ACBD5: variants seen among roughly 807,000 people sequenced by gnomAD.
ACBD5 encodes acyl-CoA binding domain containing 5.
Under a neutral mutation model 71.8 loss-of-function variants are expected in ACBD5, and 40 were observed. That is an observed-to-expected ratio of 0.56 (90% confidence interval 0.43 to 0.72). The LOEUF is 0.72. Ranked by LOEUF, ACBD5 falls within the 30% of genes least tolerant of loss-of-function variation. The pLI is 0.00. For missense variants in ACBD5, 559 were observed against 644.5 expected, an observed-to-expected ratio of 0.87 and a Z score of 1.44; for synonymous variants, 229 against 218.6, an observed-to-expected ratio of 1.05 and a Z score of -0.42.
intron 13 of ACBD5, among the ~76,000 whole-genome samples, chr10:27,190,122 T>C (rs2059017908): frequency 6.6e-6 from 1 of 152,030 alleles, no homozygotes; most frequent in Non-Finnish European, 1.5e-5. Context: ...CCGTCTCTAC[T>C]AAAAATATAA....
Position 27,217,755 on chromosome 10 carries a change from A to T in ACBD5, c.829+225T>A, listed in dbSNP as rs7067898. On this transcript the variant is annotated intron_variant, in intron 7 of 12. Coordinates refer to ENST00000396271, the MANE Select transcript of ACBD5 (RefSeq NM_145698.5). ...CAGGAGTTCAAGGCTGCAGTGAGCC[A>T]TGACTATGCCACTGCACTCCAGCCT... is the stretch of plus-strand genomic sequence containing the variant. Among the ~76,000 whole-genome samples the T allele has an allele frequency of 3.2e-3, 478 of 150,942 alleles. 2 individuals are homozygous for T. The highest frequency in any genetic ancestry group is 0.011 in the African/African-American group (452 of 41,160).
At chr10:27,221,896 T>C (rs533762575) in intron 5 of ACBD5, among the ~76,000 whole-genome samples, 2 of 124,100 alleles carry the variant, frequency 1.6e-5, no homozygotes, top group South Asian at 5.0e-4. Context: ...CCAGTCAGTG[T>C]GACAGAGGAA....
chr10:27,196,953 C>T lies in ACBD5; in HGVS notation c.*477G>A, dbSNP rs1449883435. The stretch of plus-strand genomic sequence containing the variant: ...TTTCTACTACATGCCATGGCAACTC[C>T]GTGACTAAGATATAAAGTCGATTAC... On this transcript the variant is annotated 3_prime_UTR_variant, in exon 13 of 13. Coordinates refer to ENST00000396271, the MANE Select transcript of ACBD5 (RefSeq NM_145698.5). 2.0e-5 allele frequency: 9 copies of T among 454,220 alleles called. No homozygotes were observed. In the East Asian group the frequency reaches 5.6e-4, roughly 28 times the overall value. 28.1% of individuals were successfully genotyped at this position (454,220 alleles called of 1,614,324 possible).
At chr10:27,210,419 A>T (rs1015644970) in intron 9 of ACBD5, among the ~76,000 whole-genome samples, 1 of 152,250 alleles carries the variant, frequency 6.6e-6, no homozygotes, top group African/African-American at 2.4e-5. Flanking sequence ...TTTTGAGATC[A>T]GTCTGGGCAA....
intron 8 of ACBD5, among the ~76,000 whole-genome samples, chr10:27,212,053 C>G (rs978281131): frequency 1.3e-5 from 2 of 152,036 alleles, no homozygotes; most frequent in African/African-American, 4.8e-5. Context: ...GTGGTGTTAA[C>G]AGAGGCCAGC....
downstream of ACBD5, among the ~76,000 whole-genome samples, chr10:27,194,399 T>C (rs952853725): frequency 2.0e-5 from 3 of 147,750 alleles, no homozygotes; most frequent in South Asian, 6.4e-4. Flanking sequence ...TCACCTGAGG[T>C]CAGGAGTTCA....
At position 27,197,439 on chromosome 10, in the gene ACBD5, T is replaced by C; in HGVS notation, c.1569A>G (p.Lys523=). ...GAAAACACCATTTTCCTCAGTTCAG[T>C]TTTCTTTAAAAAGAAAATAAAAACC... is the stretch of plus-strand genomic sequence containing the variant. ...VYLYYQRRRR[K]LN Residue 523 remains lysine, a synonymous_variant, in exon 13 of 13, where the codon AAA becomes AAG. Transcript: ENST00000396271. 1.2e-6 allele frequency: 2 copies of C among 1,607,666 alleles called. No homozygotes were observed. The highest frequency in any genetic ancestry group is 1.7e-6 in the Non-Finnish European group (2 of 1,175,976).
At chr10:27,199,380 T>C (rs1431340652) in intron 12 of ACBD5, among the ~76,000 whole-genome samples, 1 of 151,936 alleles carries the variant, frequency 6.6e-6, no homozygotes, top group Non-Finnish European at 1.5e-5. Context: ...TCTAAGGTAA[T>C]AGAGTGAACA....
In ACBD5 at chr10:27,217,979, C is replaced by A. The variant is rs775769747; in HGVS notation, c.829+1G>T. The A allele has an allele frequency of 6.2e-7, 1 of 1,613,826 alleles. No homozygotes were observed. The highest frequency in any genetic ancestry group is 8.5e-7 in the Non-Finnish European group (1 of 1,179,812). On this transcript the variant is annotated splice_donor_variant, in intron 7 of 12. Transcript: ENST00000396271. LOFTEE classifies it high-confidence loss of function. ...GACACAGAATTATTTGGGGACAATACCTTGGTGAATGCAAACAGCAGATTT... is the reference window on the plus strand; with the variant it reads ...GACACAGAATTATTTGGGGACAATAACTTGGTGAATGCAAACAGCAGATTT...
chr10:27,239,891 C>T (rs1478677124), intron 2 of ACBD5, among the ~76,000 whole-genome samples: 1 of 152,184 alleles, frequency 6.6e-6, no homozygotes, highest in African/African-American at 2.4e-5. Flanking sequence ...GGACTACAGG[C>T]GCACGCCACG....
chr10:27,233,986 G>A (rs934424431), intron 3 of ACBD5, among the ~76,000 whole-genome samples: 2 of 152,212 alleles, frequency 1.3e-5, no homozygotes, highest in African/African-American at 4.8e-5. Flanking sequence ...AGAGGTTGCG[G>A]TGAGCTGAGG....
At chr10:27,202,668 G>GTT (rs910291727) in intron 12 of ACBD5, among the ~76,000 whole-genome samples, 1 of 148,922 alleles carries the variant, frequency 6.7e-6, no homozygotes, top group South Asian at 2.1e-4. Flanking sequence ...AAGCTTTAGA[G>GTT]TTTTTTTTTT....
Position 27,196,360 on chromosome 10 carries a change from G to A in ACBD5, c.*1070C>T, listed in dbSNP as rs2059386725. The A allele has an allele frequency of 2.2e-6, 1 of 454,074 alleles. No homozygotes were observed. The highest frequency in any genetic ancestry group is 2.0e-5 in the African/African-American group (1 of 50,066). The allele number at this position is 454,074 out of a possible 1,614,324, so 28.1% of individuals were successfully genotyped here. A position where few individuals can be genotyped will look rare whatever the true frequency, so the allele number is the denominator to read the frequency against. ...TCTAGATGAGAGAGGTGGGGAAGAG[G>A]GACTTAAATTTCTGTTAGCTGGGCA... On this transcript the variant is annotated 3_prime_UTR_variant, in exon 13 of 13. Coordinates refer to ENST00000396271, the MANE Select transcript of ACBD5 (RefSeq NM_145698.5).
rs1458983066 is a variant in ACBD5 at position 27,240,432 on chromosome 10, T to C, written c.68A>G (p.Asp23Gly). 1.2e-6 allele frequency: 2 copies of C among 1,614,010 alleles called. No homozygotes were observed. Among genetic ancestry groups the C allele is most frequent in the Admixed American group, 1.7e-5 (1 of 60,012 alleles). ...GTGTTGGCCCCGGTCCCAAGGTCTG[T>C]CGGCGGGAATCAGGCAGCAGCAGCA... ...SWCCCCLIPA[D>G]RPWDRGQHWQ... is the part of the protein sequence containing the mutation. Residue 23 changes from aspartate to glycine, a missense_variant, in exon 2 of 13, where the codon GAC becomes GGC. Asp to Gly is a moderately conservative substitution (Grantham distance 94). Coordinates refer to ENST00000396271, the MANE Select transcript of ACBD5 (RefSeq NM_145698.5). This position sits in a 1 kb window ranked among gnomAD's most constrained non-coding sequence, Gnocchi z 4.1.
At chr10:27,208,096 CTT>C in intron 10 of ACBD5, 148 bp downstream of exon 10, 1 of 828,854 alleles carries the variant, frequency 1.2e-6, no homozygotes, top group Non-Finnish European at 2.0e-6. Context: ...CTGGGTCAGT[CTT>C]TTCTTAAACA....
intron 4 of ACBD5, among the ~76,000 whole-genome samples, chr10:27,225,477 G>T (rs1249771281): frequency 6.6e-6 from 1 of 152,064 alleles, no homozygotes; most frequent in Admixed American, 6.5e-5. Context: ...AACAATAACT[G>T]GTTCTAGTGA....
intron 5 of ACBD5, chr10:27,223,124 A>T: frequency 1.4e-6 from 1 of 703,326 alleles, no homozygotes; most frequent in East Asian, 2.7e-5. Context: ...GGGTGACAAG[A>T]TTGTAAGTTC....
chr10:27,226,593 C>T (rs1003974595), intron 4 of ACBD5, among the ~76,000 whole-genome samples: 3 of 151,772 alleles, frequency 2.0e-5, no homozygotes, highest in African/African-American at 7.3e-5. Flanking sequence ...CAGCATGTGG[C>T]CCAAGACGGC....
chr10:27,199,987 A>G (rs2059750322), intron 12 of ACBD5, among the ~76,000 whole-genome samples: 2 of 151,888 alleles, frequency 1.3e-5, no homozygotes, highest in East Asian at 3.9e-4. Context: ...AGACTGTCGC[A>G]AAGAAAAAAA....
Sources: allele counts gnomAD v4.1 joint callset (sites outside exome capture counted in the v4.1 genomes callset), GRCh38; gene constraint gnomAD v4.1.1; non-coding constraint Gnocchi (gnomAD v3.1); transcripts MANE v1.5; gene names NCBI Gene and HGNC (gene_info 2026-07-23, HGNC 2026-07-21).